The following CFAP74 variants were observed in gnomAD, a reference collection of about 807,000 sequenced individuals.
CFAP74 encodes the protein cilia and flagella associated protein 74.
In CFAP74, 124 loss-of-function variants were observed where a neutral mutation model predicts 188.9. The observed-to-expected ratio is 0.66, with a 90% CI of 0.57 to 0.76. The LOEUF (loss-of-function observed/expected upper bound fraction) is 0.76. Ranked by LOEUF, CFAP74 falls within the 30% of genes least tolerant of loss-of-function variation. CFAP74 has a pLI of 0.00. For missense variants in CFAP74, 2,198 were observed against 2,165.2 expected (o/e 1.02, Z -0.30); for synonymous variants, 956 against 916.7 (o/e 1.04, Z -0.77).
At chr1:1,974,879 A>G (rs973053377) in intron 6 of CFAP74, among the ~76,000 whole-genome samples, 2 of 152,242 alleles carry the variant, frequency 1.3e-5, no homozygotes, top group Admixed American at 6.5e-5. Flanking sequence ...GGATGTGGAC[A>G]GTGTCCTTCT....
chr1:1,975,029 C>T lies in CFAP74; in HGVS notation c.501-831G>A, dbSNP rs1656349888. Among the ~76,000 whole-genome samples, 1 of 152,248 alleles carries T rather than the reference C, an allele frequency of 6.6e-6. No individual in the cohort carries two copies. The highest frequency in any genetic ancestry group is 1.5e-5 in the Non-Finnish European group (1 of 68,056). ...AGGCCGGGGCTGGCCACGCGAGGATCAGAACCCTGGACAAGGTCAGACGCA... is the reference window on the plus strand; with the variant it reads ...AGGCCGGGGCTGGCCACGCGAGGATTAGAACCCTGGACAAGGTCAGACGCA... On this transcript the variant is annotated intron_variant, in intron 6 of 38. Transcript: ENST00000682832. The surrounding 1 kb of genome is among the most constrained non-coding windows in gnomAD (Gnocchi z 4.5).
intron 25 of CFAP74, among the ~76,000 whole-genome samples, chr1:1,934,603 A>G (rs187462950): frequency 7.2e-4 from 75 of 103,736 alleles, no homozygotes; most frequent in African/African-American, 1.8e-3. Flanking sequence ...ACACGTGTGT[A>G]TGTGTGTGTG....
intron 21 of CFAP74, among the ~76,000 whole-genome samples, chr1:1,944,070 A>G (rs1287274202): frequency 1.3e-5 from 2 of 152,026 alleles, no homozygotes; most frequent in African/African-American, 2.4e-5. Context: ...CCTCTCCCCA[A>G]CCATGTCTGC....
chr1:1,971,110 C>T (rs1333088938), intron 9 of CFAP74, among the ~76,000 whole-genome samples: 6 of 128,096 alleles, frequency 4.7e-5, no homozygotes, highest in Non-Finnish European at 7.4e-5. Flanking sequence ...CACACGTGTG[C>T]ACACACATGC....
At chr1:1,979,161 T>C (rs1285561235) in intron 6 of CFAP74, among the ~76,000 whole-genome samples, 27 of 50,360 alleles carry the variant, frequency 5.4e-4, no homozygotes, top group African/African-American at 1.3e-3. Flanking sequence ...GAAGGCATCA[T>C]GTGACAAGGC....
At chr1:1,929,607 C>A (rs1369440402) in intron 26 of CFAP74, among the ~76,000 whole-genome samples, 3 of 151,828 alleles carry the variant, frequency 2.0e-5, no homozygotes, top group Non-Finnish European at 4.4e-5. Context: ...CCTTCGGCAG[C>A]CCTCAGGGTC....
At chr1:1,959,018 C>G in intron 16 of CFAP74, 102 bp downstream of exon 16, 27 of 729,396 alleles carry the variant, frequency 3.7e-5, no homozygotes, top group East Asian at 8.3e-5. Context: ...TCCACCTGGT[C>G]CCCCCGCCAA....
intron 11 of CFAP74, 133 bp from the exon 12 acceptor site, chr1:1,966,659 A>G: frequency 1.5e-6 from 1 of 657,316 alleles, no homozygotes; most frequent in Non-Finnish European, 2.2e-6. Flanking sequence ...CTGCATGGAG[A>G]TAGCGGTGCA....
Position 1,942,908 on chromosome 1 carries a change from C to T in CFAP74, c.2487-752G>A, listed in dbSNP as rs1161730788. ...CCCTCCTGTGCTTCCATGCGACAGTCACCCATGCTGTGGCAGCCTCATCTC... is the reference window on the plus strand; with the variant it reads ...CCCTCCTGTGCTTCCATGCGACAGTTACCCATGCTGTGGCAGCCTCATCTC... On this transcript the variant is annotated intron_variant, in intron 21 of 38. Coordinates refer to ENST00000682832, the MANE Select transcript of CFAP74 (RefSeq NM_001304360.2). The surrounding 1 kb of genome is among the most constrained non-coding windows in gnomAD (Gnocchi z 4.3). 6.6e-6 allele frequency among the ~76,000 whole-genome samples: 1 copy of T among 152,316 alleles called. No individual in the cohort carries two copies. The highest frequency in any genetic ancestry group is 1.9e-4 in the East Asian group (1 of 5,174).
At chr1:1,980,921 G>A (rs945479247) in intron 6 of CFAP74, among the ~76,000 whole-genome samples, 4 of 152,360 alleles carry the variant, frequency 2.6e-5, no homozygotes, top group African/African-American at 4.8e-5. Context: ...CTGTGGCTGC[G>A]GATGACGCGC....
intron 26 of CFAP74, 86 bp downstream of exon 26, chr1:1,929,974 G>A (rs78968550): frequency 1.5e-6 from 2 of 1,376,746 alleles, no homozygotes; most frequent in Middle Eastern, 2.6e-4. Flanking sequence ...CTGTGGTTAA[G>A]GGTGGGCAGA....
At position 1,968,955 on chromosome 1, in the gene CFAP74, G is replaced by T; in HGVS notation, c.1047-122C>A. On this transcript the variant is annotated intron_variant, in intron 10 of 38. Transcript: ENST00000682832. This position sits in a 1 kb window ranked among gnomAD's most constrained non-coding sequence, Gnocchi z 4.3. The stretch of plus-strand genomic sequence containing the variant: ...CTGGGGGCTCCGGTCCTGCCCAGCA[G>T]CCCCAGGTGAGACAGCGCCTGGCGG... 2.0e-6 allele frequency: 1 copy of T among 496,370 alleles called. No homozygotes were observed. The highest frequency in any genetic ancestry group is 3.3e-6 in the Non-Finnish European group (1 of 306,892). The allele number at this position is 496,370 out of a possible 1,614,324, so 30.7% of individuals were successfully genotyped here.
At chr1:1,971,126 CGTG>C (rs1655986089) in intron 9 of CFAP74, among the ~76,000 whole-genome samples, 1 of 148,870 alleles carries the variant, frequency 6.7e-6, no homozygotes, top group Non-Finnish European at 1.5e-5. Context: ...CATGCTCACA[CGTG>C]CACACACATG....
At position 1,964,955 on chromosome 1, in the gene CFAP74, T is replaced by A. The variant is rs771437876; in HGVS notation, c.1508A>T (p.Gln503Leu). 84 of 1,613,908 alleles carry A rather than the reference T, an allele frequency of 5.2e-5. No homozygotes were observed. The highest frequency in any genetic ancestry group is 3.8e-4 in the South Asian group (35 of 91,084). The stretch of plus-strand genomic sequence containing the variant: ...TTGGAACTCACGCCCCCACACCACC[T>A]GCTTGTGGACCACCCTGCTCCGCAG... ...ERLRSRVVHK[Q>L]VVWGREFQGR... Residue 503 changes from glutamine to leucine, a missense_variant, in exon 13 of 39, where the codon CAG becomes CTG. Gln to Leu is a moderately radical substitution (Grantham distance 113). Transcript: ENST00000682832.
intron 30 of CFAP74, 35 bp downstream of exon 30, chr1:1,926,617 C>A: frequency 1.3e-6 from 2 of 1,545,824 alleles, no homozygotes; most frequent in Non-Finnish European, 1.7e-6. Context: ...GCCTGGGCAC[C>A]GGGGTGGAGG....
chr1:1,967,644 A>AG (rs1409983701), intron 11 of CFAP74, among the ~76,000 whole-genome samples: 2 of 152,120 alleles, frequency 1.3e-5, no homozygotes, highest in Non-Finnish European at 2.9e-5. Flanking sequence ...GACCCTGTGG[A>AG]GGCCAAAGCT....
At chr1:1,938,046 G>T (rs1015691379) in intron 25 of CFAP74, among the ~76,000 whole-genome samples, 1 of 103,584 alleles carries the variant, frequency 9.7e-6, no homozygotes, top group Non-Finnish European at 2.1e-5. Flanking sequence ...ACACATACAT[G>T]CACTCACACT....
In CFAP74 at chr1:1,940,333, T is replaced by C. The variant is rs1156554591; in HGVS notation, c.2686A>G (p.Ile896Val). ...ETRVLEAPMT[I>V]WVADQNKPVG... The stretch of plus-strand genomic sequence containing the variant: ...ACACAGACCTGGTCGGCAACCCATA[T>C]GGTCATCGGGGCCTCCAGGACTCGG... The change falls in exon 23 of 39, where the codon ATA becomes GTA. Residue 896 changes from isoleucine to valine, a missense_variant. Coordinates refer to ENST00000682832, the MANE Select transcript of CFAP74 (RefSeq NM_001304360.2). 1 of 1,535,876 alleles carries C rather than the reference T, an allele frequency of 6.5e-7. No homozygotes were observed. Among genetic ancestry groups the C allele is most frequent in the African/African-American group, 1.4e-5 (1 of 73,172 alleles).
rs76807117 is a variant in CFAP74 at position 1,971,496 on chromosome 1, G to A, written c.888+484C>T. The stretch of plus-strand genomic sequence containing the variant: ...CAGATGTCCTTAAACCAATGTTGAC[G>A]CCTGCAGATCCTGTGAGAGACCACT... On this transcript the variant is annotated intron_variant, in intron 9 of 38. Transcript: ENST00000682832. Among the ~76,000 whole-genome samples, 718 of 152,378 alleles carry A rather than the reference G, an allele frequency of 4.7e-3. 21 individuals carry two copies. The East Asian group carries it at 0.086, about 18-fold the overall frequency.
Sources: allele counts gnomAD v4.1 joint callset (sites outside exome capture counted in the v4.1 genomes callset), GRCh38; gene constraint gnomAD v4.1.1; non-coding constraint Gnocchi (gnomAD v3.1); transcripts MANE v1.5; gene names NCBI Gene and HGNC (gene_info 2026-07-23, HGNC 2026-07-21).